The following KIF1A variants were observed in gnomAD, a reference collection of about 807,000 sequenced individuals.
The protein encoded by KIF1A is kinesin family member 1A, also known as kinesin-like protein KIF1A.
Under a neutral mutation model 227.3 loss-of-function variants are expected in KIF1A, and 46 were observed. That is an observed-to-expected ratio of 0.20 (90% CI 0.16 to 0.26). The LOEUF (loss-of-function observed/expected upper bound fraction) is 0.26, where lower values mean the gene tolerates loss of function less well. Ranked by LOEUF, KIF1A falls within the 10% of genes least tolerant of loss-of-function variation. KIF1A has a pLI of 1.00. For synonymous variants in KIF1A, 1,022 were observed against 1,012.8 expected, an observed-to-expected ratio of 1.01 and a Z score of -0.17; for missense variants, 1,683 against 2,485.9, an observed-to-expected ratio of 0.68 and a Z score of 6.87.
At position 240,718,070 on chromosome 2, in the gene KIF1A, G is replaced by C; in HGVS notation, c.5313C>G (p.Pro1771=). ...DMHDWLYAFN[P]LLAGTIRSKL... ...CCTACCGTATGGTCCCGGCCAGGAG[G>C]GGGTTGAAGGCGTACAGCCAGTCAT... The change falls in exon 48 of 49, where the codon CCC becomes CCG. Residue 1771 remains proline (P), a synonymous_variant. Transcript: ENST00000498729. 1 of 1,610,346 alleles carries C rather than the reference G, an allele frequency of 6.2e-7. No individual in the cohort carries two copies. The highest frequency in any genetic ancestry group is 8.5e-7 in the Non-Finnish European group (1 of 1,178,752).
intron 10 of KIF1A, among the ~76,000 whole-genome samples, chr2:240,780,810 A>ACACACACACACACAGCTC (rs1559522454): frequency 1.1e-5 from 1 of 90,230 alleles, no homozygotes; most frequent in African/African-American, 6.3e-5. Context: ...ACACACACAC[A>ACACACACACACACAGCTC]CACACACACA....
intron 29 of KIF1A, among the ~76,000 whole-genome samples, 160 bp from the exon 30 acceptor site, chr2:240,746,337 C>T (rs570104210): frequency 6.6e-6 from 1 of 152,300 alleles, no homozygotes; most frequent in Admixed American, 6.5e-5. Flanking sequence ...TGTAGGGGGG[C>T]ATCCACCTCC....
At chr2:240,768,720 TG>T (rs1159834122) in intron 17 of KIF1A, among the ~76,000 whole-genome samples, 2 of 152,198 alleles carry the variant, frequency 1.3e-5, no homozygotes, top group Non-Finnish European at 2.9e-5. Flanking sequence ...GGGTCCCCAC[TG>T]GAACAGTCAG....
At position 240,790,684 on chromosome 2, in the gene KIF1A, G is replaced by A. The variant is rs2055554010; in HGVS notation, c.107-1372C>T. ...CCATGAAGACGGGCCCTAATCTAGT[G>A]CTGCCATGTCCTTATAAAAGAGGAG... On this transcript the variant is annotated intron_variant, in intron 2 of 48. Coordinates refer to ENST00000498729, the MANE Select transcript of KIF1A (RefSeq NM_001244008.2). The surrounding 1 kb of genome is among the most constrained non-coding windows in gnomAD (Gnocchi z 5.0). Among the ~76,000 whole-genome samples the A allele has an allele frequency of 6.6e-6, 1 of 152,112 alleles. No individual in the cohort carries two copies. Among genetic ancestry groups the A allele is most frequent in the Non-Finnish European group, 1.5e-5 (1 of 68,034 alleles).
Position 240,737,149 on chromosome 2 carries a change from T to C in KIF1A, c.3921A>G (p.Pro1307=). 3 of 1,613,602 alleles carry C rather than the reference T, an allele frequency of 1.9e-6. No individual in the cohort carries two copies. In the South Asian group the frequency reaches 3.3e-5, roughly 18 times the overall value. ...ELVVGRIRNT[P]ETDESLIDPN... ...GGTCGATCAGGGACTCGTCGGTCTC[T>C]GGAGTGTTTCGGATGCGGCCTGCAG... Residue 1307 remains proline (P), a synonymous_variant, in exon 38 of 49, where the codon CCA becomes CCG. Coordinates refer to ENST00000498729, the MANE Select transcript of KIF1A (RefSeq NM_001244008.2).
rs1353928665 is a variant in KIF1A at position 240,763,277 on chromosome 2, C to T, written c.1838G>A (p.Arg613His). ...FNHPEQARQE[R>H]ERTPCAETPA... The stretch of plus-strand genomic sequence containing the variant: ...CGTCTCCGCACAAGGCGTGCGCTCA[C>T]GCTCCTGCCGGGCCTGCTCGGGGTG... The change falls in exon 21 of 49, where the codon CGT becomes CAT. Residue 613 changes from arginine to histidine, a missense_variant. Around this residue, in one of 12 missense-constraint regions of KIF1A, gnomAD observed 217 missense variants for 427.0 expected, o/e 0.51. Transcript: ENST00000498729. 2 of 1,609,364 alleles carry T rather than the reference C, an allele frequency of 1.2e-6. No individual in the cohort carries two copies. The highest frequency in any genetic ancestry group is 1.7e-5 in the Admixed American group (1 of 59,488).
At chr2:240,720,078 G>A (rs554141220) in intron 45 of KIF1A, 152 bp from the exon 46 acceptor site, 6 of 644,418 alleles carry the variant, frequency 9.3e-6, no homozygotes, top group Non-Finnish European at 1.4e-5. Flanking sequence ...GGAGCTCCCG[G>A]GGCCCGTCCA....
chr2:240,801,962 T>C (rs1332572037), intron 1 of KIF1A, among the ~76,000 whole-genome samples: 3 of 152,284 alleles, frequency 2.0e-5, no homozygotes, highest in Middle Eastern at 3.4e-3. Context: ...TGTCCAAAGC[T>C]GCTGAAGCAC....
chr2:240,719,289 A>T, intron 46 of KIF1A, 91 bp from the exon 47 acceptor site: 2 of 1,405,074 alleles, frequency 1.4e-6, no homozygotes, highest in South Asian at 2.8e-5. Flanking sequence ...GCTGGGACGC[A>T]GCAGTGCCAA....
At position 240,807,278 on chromosome 2, in the gene KIF1A, C is replaced by G. The variant is rs567649206; in HGVS notation, c.-60-9466G>C. Among the ~76,000 whole-genome samples, 7 of 152,046 alleles carry G rather than the reference C, an allele frequency of 4.6e-5. No homozygotes were observed. In the South Asian group the frequency reaches 1.5e-3, roughly 32 times the overall value. Reference sequence around the variant, plus strand: ...CTCCTGCCTCAGCCTCCCTAGTATGCGCCACTAGGCATGCACCACCATGCC... The same window carrying G: ...CTCCTGCCTCAGCCTCCCTAGTATGGGCCACTAGGCATGCACCACCATGCC... On this transcript the variant is annotated intron_variant, in intron 1 of 48. Transcript: ENST00000498729.
intron 1 of KIF1A, among the ~76,000 whole-genome samples, chr2:240,811,546 G>C (rs1156855808): frequency 6.6e-6 from 1 of 151,600 alleles, no homozygotes; most frequent in South Asian, 2.1e-4. Flanking sequence ...AAGGCGGGGG[G>C]TTGCGGTCCA....
At chr2:240,728,754 T>C (rs918571927) in intron 38 of KIF1A, among the ~76,000 whole-genome samples, 35 of 152,212 alleles carry the variant, frequency 2.3e-4, no homozygotes, top group African/African-American at 7.7e-4. Flanking sequence ...GGGTCAGGCC[T>C]GCAGGCCAGG....
In KIF1A at chr2:240,716,559, C is replaced by T. The variant is rs529999168; in HGVS notation, c.*805G>A. The T allele has an allele frequency of 6.6e-6, 1 of 152,354 alleles. No homozygotes were observed. The highest frequency in any genetic ancestry group is 1.9e-4 in the East Asian group (1 of 5,300). 9.4% of individuals were successfully genotyped at this position (152,354 alleles called of 1,614,324 possible). Reference sequence around the variant, plus strand: ...GTCTGCCTCATCTCAGAGCCAGAGCCGAGTGTCACCCCTCACCCTTTCCTG... The same window carrying T: ...GTCTGCCTCATCTCAGAGCCAGAGCTGAGTGTCACCCCTCACCCTTTCCTG... On this transcript the variant is annotated 3_prime_UTR_variant, in exon 49 of 49. Transcript: ENST00000498729.
chr2:240,777,269 C>A (rs1476747082), intron 10 of KIF1A, among the ~76,000 whole-genome samples: 1 of 152,194 alleles, frequency 6.6e-6, no homozygotes, highest in African/African-American at 2.4e-5. Context: ...TGGTCTCGAT[C>A]TCTTGACCTC....
At position 240,740,367 on chromosome 2, in the gene KIF1A, G is replaced by A. The variant is rs529165683; in HGVS notation, c.3750-3C>T. On this transcript the variant is annotated splice_polypyrimidine_tract_variant and splice_region_variant and intron_variant, in intron 35 of 48. Coordinates refer to ENST00000498729, the MANE Select transcript of KIF1A (RefSeq NM_001244008.2). The surrounding 1 kb of genome is among the most constrained non-coding windows in gnomAD (Gnocchi z 6.1). ...GGTCCACCACGGCCGGGATGTAACT[G>A]GAAGAGAGAGACACATGTGAGGAGC... is the stretch of plus-strand genomic sequence containing the variant. 3.7e-6 allele frequency: 6 copies of A among 1,613,406 alleles called. No individual in the cohort carries two copies. The East Asian group carries it at 1.3e-4, about 36-fold the overall frequency.
Position 240,726,947 on chromosome 2 carries a change from G to T in KIF1A, c.4008-7C>A. The T allele has an allele frequency of 6.4e-7, 1 of 1,561,316 alleles. No individual in the cohort carries two copies. The highest frequency in any genetic ancestry group is 8.8e-7 in the Non-Finnish European group (1 of 1,138,612). On this transcript the variant is annotated splice_region_variant and splice_polypyrimidine_tract_variant and intron_variant, in intron 38 of 48. Transcript: ENST00000498729. The surrounding 1 kb of genome is among the most constrained non-coding windows in gnomAD (Gnocchi z 5.2). ...CTCAAATTGGTAAAAGGTCCTGAAA[G>T]GAAGCAGAGACAAAGTAGAAGTTGA...
Position 240,762,731 on chromosome 2 carries a change from G to A in KIF1A, c.2104C>T (p.Pro702Ser). Residue 702 changes from proline (P) to serine (S), a missense_variant, in exon 23 of 49, where the codon CCC (proline) becomes TCC (serine). Physicochemically the swap from Pro to Ser is moderately conservative, Grantham distance 74. Transcript: ENST00000498729. ...YPEVNEEEEE[P>S]EDEVQWTERE... ...AGTGACCCCTCACCTTCATCCTCGGGCTCCTCCTCCTCCTCGTTCACCTCC... is the reference window on the plus strand; with the variant it reads ...AGTGACCCCTCACCTTCATCCTCGGACTCCTCCTCCTCCTCGTTCACCTCC... The A allele has an allele frequency of 6.3e-7, 1 of 1,591,312 alleles. No homozygotes were observed. The highest frequency in any genetic ancestry group is 8.6e-7 in the Non-Finnish European group (1 of 1,163,146).
chr2:240,762,971 C>T, intron 22 of KIF1A, 48 bp downstream of exon 22: 4 of 1,063,122 alleles, frequency 3.8e-6, no homozygotes, highest in Non-Finnish European at 4.9e-6. Flanking sequence ...CAGGGGTCCC[C>T]TGGTGTGGGT....
rs1293785992 is a variant in KIF1A, at chr2:240,727,329, A to T, written c.4008-389T>A. Among the ~76,000 whole-genome samples, 2 of 152,088 alleles carry T rather than the reference A, an allele frequency of 1.3e-5. 1 individual carries two copies. The highest frequency in any genetic ancestry group is 4.1e-4 in the South Asian group (2 of 4,826). On this transcript the variant is annotated intron_variant, in intron 38 of 48. Transcript: ENST00000498729. ...ACACAGGGAAGGGAGAGGGGAGGGC[A>T]GGAGGAGAGGACTCAGGCAGGGAGG...
Sources: gnomAD v4.1 joint callset for allele counts (sites outside exome capture counted in the v4.1 genomes callset) on GRCh38, gnomAD v4.1.1 for gene constraint, gnomAD v4.1.1 regional missense constraint, Gnocchi (gnomAD v3.1) non-coding constraint, MANE v1.5 for transcripts, NCBI Gene and HGNC (gene_info 2026-07-23, HGNC 2026-07-21) for gene names.